TNK2: variants seen among roughly 807,000 people sequenced by gnomAD.
TNK2 encodes the protein activated CDC42 kinase 1.
Under a neutral mutation model 101.8 loss-of-function variants are expected in TNK2, and 83 were observed. The observed-to-expected ratio is 0.82, with a 90% CI of 0.68 to 0.98. The LOEUF is 0.98. TNK2 is among the 50% of genes least tolerant of loss of function. The pLI is 0.00. For missense variants in TNK2, 1,665 were observed against 1,483.2 expected (o/e 1.12, Z -2.01); for synonymous variants, 804 against 633.0 (o/e 1.27, Z -4.06).
At chr3:195,869,385 A>ACCCC in intron 12 of TNK2, 112 bp downstream of exon 12, 2 of 892,998 alleles carry the variant, frequency 2.2e-6, no homozygotes, top group Non-Finnish European at 3.5e-6. Flanking sequence ...CACAGCACAC[A>ACCCC]CCCACCCACC....
chr3:195,894,986 G>T (rs189913252), intron 1 of TNK2, among the ~76,000 whole-genome samples: 2 of 152,176 alleles, frequency 1.3e-5, no homozygotes, highest in Non-Finnish European at 2.9e-5. Flanking sequence ...AGTACTTCCT[G>T]GACTCCCTTG....
intron 1 of TNK2, chr3:195,894,784 T>G (rs960693188): frequency 2.6e-5 from 4 of 153,536 alleles, no homozygotes; most frequent in African/African-American, 7.2e-5. Context: ...GCTACTGCCC[T>G]CTGCCGGTCG....
chr3:195,885,799 G>C lies in TNK2; in HGVS notation c.235-766C>G. ...AAGCTGGCCACGTCGGTCTGACTCGGCCTCCACTGAGGCACCCACAGCCTT... is the reference window on the plus strand; with the variant it reads ...AAGCTGGCCACGTCGGTCTGACTCGCCCTCCACTGAGGCACCCACAGCCTT... On this transcript the variant is annotated intron_variant, in intron 3 of 15. Transcript: ENST00000672887. The surrounding 1 kb of genome is among the most constrained non-coding windows in gnomAD (Gnocchi z 4.7). 1 of 348,386 alleles carries C rather than the reference G, an allele frequency of 2.9e-6. No individual in the cohort carries two copies. The highest frequency in any genetic ancestry group is 1.0e-3 in the Middle Eastern group (1 of 964). The allele number at this position is 348,386 out of a possible 1,614,324, so 21.6% of individuals were successfully genotyped here.
chr3:195,877,744 C>A (rs1468291874), intron 9 of TNK2, among the ~76,000 whole-genome samples: 1 of 152,028 alleles, frequency 6.6e-6, no homozygotes, highest in Non-Finnish European at 1.5e-5. Flanking sequence ...AGAGAGGGTC[C>A]TCCCAAGGGG....
chr3:195,870,983 TGTGTGGGG>T lies in TNK2; in HGVS notation c.1452-786_1452-779del, dbSNP rs1205964754. ...GGGGACTCGCTGTGTGGGGTTCTGG[TGTGTGGGG>T]GCCCGCTGTGTGGGTTCTGGTGTGT... On this transcript the variant is annotated intron_variant, in intron 10 of 15. Transcript: ENST00000672887. Among the ~76,000 whole-genome samples the T allele has an allele frequency of 2.7e-3, 235 of 87,238 alleles. 9 individuals are homozygous for T. The East Asian group carries it at 0.085, about 31-fold the overall frequency. 57.2% of individuals were successfully genotyped at this position (87,238 alleles called of 152,430 possible).
chr3:195,890,263 T>C (rs1271927480), intron 1 of TNK2, among the ~76,000 whole-genome samples: 1 of 152,036 alleles, frequency 6.6e-6, no homozygotes, highest in Non-Finnish European at 1.5e-5. Context: ...GCCACAACAT[T>C]TGGGGGGGCC....
Position 195,885,160 on chromosome 3 carries a change from C to T in TNK2, c.235-127G>A. 8.7e-7 allele frequency: 1 copy of T among 1,149,874 alleles called. No individual in the cohort carries two copies. Among genetic ancestry groups the T allele is most frequent in the Non-Finnish European group, 1.2e-6 (1 of 825,684 alleles). 71.2% of individuals were successfully genotyped at this position (1,149,874 alleles called of 1,614,324 possible). On this transcript the variant is annotated intron_variant, in intron 3 of 15. Coordinates refer to ENST00000672887, the MANE Select transcript of TNK2 (RefSeq NM_001382273.1). This position sits in a 1 kb window ranked among gnomAD's most constrained non-coding sequence, Gnocchi z 4.7. ...CCAGATAGGTCCTGGTTTTGCCAAA[C>T]TGTCAGTGGGGCAGCCTGGCTGGAG...
intron 9 of TNK2, chr3:195,876,818 G>A (rs1236636994): frequency 2.2e-5 from 8 of 359,494 alleles, no homozygotes; most frequent in Non-Finnish European, 3.8e-5. Flanking sequence ...CCCACTGCCC[G>A]CCTTGCCCGG....
chr3:195,879,250 C>G, intron 6 of TNK2, 75 bp from the exon 7 acceptor site: 2 of 1,585,520 alleles, frequency 1.3e-6, no homozygotes, highest in Non-Finnish European at 1.7e-6. Context: ...TTAAAACACT[C>G]ATGCAGCAAA....
Position 195,885,344 on chromosome 3 carries a change from G to A in TNK2, c.235-311C>T, listed in dbSNP as rs963818095. 3.9e-5 allele frequency: 54 copies of A among 1,377,338 alleles called. No individual in the cohort carries two copies. Among genetic ancestry groups the A allele is most frequent in the African/African-American group, 3.9e-4 (27 of 69,486 alleles). The allele number at this position is 1,377,338 out of a possible 1,614,324, so 85.3% of individuals were successfully genotyped here. On this transcript the variant is annotated intron_variant, in intron 3 of 15. Transcript: ENST00000672887. This position sits in a 1 kb window ranked among gnomAD's most constrained non-coding sequence, Gnocchi z 4.7. ...GGGAGGGCACCGCCCAGCCAAGGTC[G>A]GAGTCTCCTCCCAGTCCTGCCCCAC...
intron 1 of TNK2, chr3:195,892,433 C>A: frequency 6.5e-7 from 1 of 1,535,380 alleles, no homozygotes; most frequent in South Asian, 1.2e-5. Context: ...TCGCCGCAGT[C>A]TGGCCAGGAG....
chr3:195,887,760 CGCACGTGTGTGCGTCTGCGCGCGTGTGT>C (rs1332434398), intron 2 of TNK2, among the ~76,000 whole-genome samples: 15 of 146,426 alleles, frequency 1.0e-4, no homozygotes, highest in Middle Eastern at 3.5e-3. Flanking sequence ...CACGCGTGTG[CGCACGTGTGTGCGTCTGCGCGCGTGTGT>C]GTACATGTGT....
intron 10 of TNK2, among the ~76,000 whole-genome samples, chr3:195,871,109 G>C (rs1744967857): frequency 1.3e-5 from 2 of 151,978 alleles, no homozygotes; most frequent in African/African-American, 4.8e-5. Context: ...AGTATCAGAA[G>C]TCAGCAGGAG....
In TNK2 at chr3:195,867,262, C is replaced by T; in HGVS notation, c.2940G>A (p.Leu980=). 2 of 1,610,446 alleles carry T rather than the reference C, an allele frequency of 1.2e-6. No homozygotes were observed. Among genetic ancestry groups the T allele is most frequent in the Non-Finnish European group, 1.7e-6 (2 of 1,178,570 alleles). ...AGRPADKIQM[L]QAMVHGVTTE... ...TGGTCACCCCATGCACCATGGCCTG[C>T]AGCTGGGCACACCCACCCCTGTCAG... The change falls in exon 14 of 16, where the codon CTG becomes CTA. Residue 980 remains leucine (L), a splice_region_variant and synonymous_variant. Coordinates refer to ENST00000672887, the MANE Select transcript of TNK2 (RefSeq NM_001382273.1).
intron 11 of TNK2, chr3:195,869,913 G>A (rs990671069): frequency 3.7e-5 from 21 of 563,898 alleles, no homozygotes; most frequent in Admixed American, 3.0e-4. Context: ...GACCCAGCCC[G>A]AGGAGGCCCA....
At chr3:195,907,583 A>AC (rs1196491815) in intron 1 of TNK2, among the ~76,000 whole-genome samples, 2 of 152,210 alleles carry the variant, frequency 1.3e-5, no homozygotes, top group Non-Finnish European at 2.9e-5. Context: ...AGTAAGGCCC[A>AC]CAAGCAGCCC....
chr3:195,907,170 C>G (rs1235267001), intron 1 of TNK2, among the ~76,000 whole-genome samples: 1 of 152,242 alleles, frequency 6.6e-6, no homozygotes, highest in Non-Finnish European at 1.5e-5. Flanking sequence ...ACCGTTCTCT[C>G]CACTGAAGCC....
chr3:195,898,236 C>T (rs1672145972), intron 1 of TNK2, among the ~76,000 whole-genome samples: 1 of 152,144 alleles, frequency 6.6e-6, no homozygotes, highest in African/African-American at 2.4e-5. Flanking sequence ...GGTCGGGCTG[C>T]TTCAACCGCC....
rs1264701555 is a variant in TNK2 at position 195,867,428 on chromosome 3, C to T, written c.2870G>A (p.Arg957Gln). Residue 957 changes from arginine (R) to glutamine (Q), a missense_variant, in exon 13 of 16, where the codon CGG (arginine) becomes CAG (glutamine). Transcript: ENST00000672887. ...GCCAGGGCAGCCCCTCTGTGGCAGCCGAGCAGTGGCCCTCGGGGGTGGTGG... is the reference window on the plus strand; with the variant it reads ...GCCAGGGCAGCCCCTCTGTGGCAGCTGAGCAGTGGCCCTCGGGGGTGGTGG... ...ARPPPPRATA[R>Q]LPQRGCPGDG... 14 of 1,600,260 alleles carry T rather than the reference C, an allele frequency of 8.7e-6. No homozygotes were observed. Among genetic ancestry groups the T allele is most frequent in the Middle Eastern group, 1.8e-4 (1 of 5,480 alleles).
Sources: allele counts gnomAD v4.1 joint callset (sites outside exome capture counted in the v4.1 genomes callset), GRCh38; gene constraint gnomAD v4.1.1; non-coding constraint Gnocchi (gnomAD v3.1); transcripts MANE v1.5; gene names NCBI Gene and HGNC (gene_info 2026-07-23, HGNC 2026-07-21).